The following SIPA1L3 variants were observed in gnomAD, a reference collection of about 807,000 sequenced individuals.
SIPA1L3 encodes signal induced proliferation associated 1 like 3.
SIPA1L3 carries 59 observed loss-of-function variants against 150.1 expected under a neutral mutation model. That is an observed-to-expected ratio of 0.39 (90% CI 0.32 to 0.49). The LOEUF (loss-of-function observed/expected upper bound fraction) is 0.49, where lower values mean the gene tolerates loss of function less well. Among genes scored for constraint, SIPA1L3 ranks in the 20% least tolerant of loss-of-function variants. The pLI, the probability that SIPA1L3 is intolerant of heterozygous loss-of-function variation, is 0.86. For missense variants in SIPA1L3, 2,211 were observed against 2,489.5 expected (o/e 0.89, Z 2.38); for synonymous variants, 1,070 against 1,077.6 (o/e 0.99, Z 0.14).
intron 2 of SIPA1L3, among the ~76,000 whole-genome samples, chr19:38,071,488 C>T (rs1372090561): frequency 6.6e-6 from 1 of 152,162 alleles, no homozygotes; most frequent in Non-Finnish European, 1.5e-5. Context: ...GGGGTTTTAC[C>T]TTGTTGGCCA....
intron 2 of SIPA1L3, among the ~76,000 whole-genome samples, chr19:38,041,645 G>A (rs1968926993): frequency 6.6e-6 from 1 of 151,152 alleles, no homozygotes; most frequent in Admixed American, 6.6e-5. Flanking sequence ...TGTTGACCAG[G>A]CTACCAGGCT....
intron 1 of SIPA1L3, among the ~76,000 whole-genome samples, chr19:37,987,385 T>C (rs183266924): frequency 1.7e-4 from 26 of 152,260 alleles, no homozygotes; most frequent in Non-Finnish European, 3.2e-4. Flanking sequence ...GACCCCTTGG[T>C]GATTGACTAC....
chr19:38,130,853 T>A, intron 10 of SIPA1L3, 81 bp downstream of exon 10: 1 of 1,463,112 alleles, frequency 6.8e-7, no homozygotes, highest in Non-Finnish European at 9.3e-7. Flanking sequence ...CACTGTCACT[T>A]GAGGTCCCAA....
intron 1 of SIPA1L3, among the ~76,000 whole-genome samples, chr19:37,957,208 A>C (rs1409240015): frequency 6.6e-6 from 1 of 152,172 alleles, no homozygotes; most frequent in Non-Finnish European, 1.5e-5. Context: ...AGAAATCGGG[A>C]AGTGTTAAGT....
intron 1 of SIPA1L3, among the ~76,000 whole-genome samples, chr19:37,937,747 A>AAAAAAAAAAAAAAAAAAAAC: frequency 8.0e-6 from 1 of 125,384 alleles, no homozygotes. Flanking sequence ...GTCTCAAAAA[A>AAAAAAAAAAAAAAAAAAAAC]AAAAAAAAAA....
intron 2 of SIPA1L3, among the ~76,000 whole-genome samples, chr19:38,059,648 G>C (rs149695718): frequency 0.016 from 2,480 of 152,284 alleles, 27 homozygotes; most frequent in Middle Eastern, 0.034. Context: ...CATACATACA[G>C]ACAAGCATGT....
At chr19:38,071,918 T>C (rs1333247605) in intron 2 of SIPA1L3, among the ~76,000 whole-genome samples, 2 of 152,194 alleles carry the variant, frequency 1.3e-5, no homozygotes. Context: ...AGGTTGGGAA[T>C]GTTCAGTTGC....
chr19:38,077,661 CT>C (rs58788182), intron 2 of SIPA1L3, among the ~76,000 whole-genome samples: 3,723 of 63,516 alleles, frequency 0.059, 4 homozygotes, highest in Non-Finnish European at 0.083. Flanking sequence ...TTTTCTTTTT[CT>C]TTTTTTTTTT....
At chr19:38,140,175 C>T (rs1399718537) in intron 10 of SIPA1L3, among the ~76,000 whole-genome samples, 6 of 152,226 alleles carry the variant, frequency 3.9e-5, no homozygotes, top group East Asian at 3.9e-4. Flanking sequence ...CACTTCCAGG[C>T]TGAAGGCTCC....
intron 9 of SIPA1L3, among the ~76,000 whole-genome samples, chr19:38,123,707 C>G (rs888546766): frequency 6.6e-6 from 1 of 152,248 alleles, no homozygotes; most frequent in African/African-American, 2.4e-5. Flanking sequence ...TCAATCTTTT[C>G]CCCACCTTTC....
At chr19:37,941,103 C>CAG (rs1377793546) in intron 1 of SIPA1L3, among the ~76,000 whole-genome samples, 1 of 150,734 alleles carries the variant, frequency 6.6e-6, no homozygotes, top group Non-Finnish European at 1.5e-5. Flanking sequence ...CACACACACA[C>CAG]ACACACACAC....
At chr19:38,156,820 T>C (rs1971960001) in intron 13 of SIPA1L3, among the ~76,000 whole-genome samples, 2 of 151,840 alleles carry the variant, frequency 1.3e-5, no homozygotes, top group Non-Finnish European at 2.9e-5. Flanking sequence ...TGAGACTCCA[T>C]CTAAAAAATA....
At position 38,101,093 on chromosome 19, in the gene SIPA1L3, C is replaced by T. The variant is rs747463735; in HGVS notation, c.1896C>T (p.Ala632=). The T allele has an allele frequency of 1.8e-5, 28 of 1,596,666 alleles. No homozygotes were observed. Among genetic ancestry groups the T allele is most frequent in the African/African-American group, 9.4e-5 (7 of 74,324 alleles). Residue 632 remains alanine, a synonymous_variant, in exon 6 of 22, where the codon GCC becomes GCT. Transcript: ENST00000222345. ...AGGTGGGCATCCTCTATTGCAAGGCCGGCCAGAGCTCCGAGGAGGAGATGT... is the reference window on the plus strand; with the variant it reads ...AGGTGGGCATCCTCTATTGCAAGGCTGGCCAGAGCTCCGAGGAGGAGATGT... ...KHKVGILYCK[A]GQSSEEEMYN...
chr19:38,170,428 C>T (rs752401967), intron 15 of SIPA1L3, among the ~76,000 whole-genome samples: 123 of 152,300 alleles, frequency 8.1e-4, no homozygotes, highest in Non-Finnish European at 1.5e-3. Context: ...TCAGAACGTG[C>T]CCCTGGGCTG....
chr19:38,168,030 C>A (rs1444947298), intron 15 of SIPA1L3, among the ~76,000 whole-genome samples: 1 of 152,154 alleles, frequency 6.6e-6, no homozygotes, highest in Non-Finnish European at 1.5e-5. Flanking sequence ...GGCCTCCCCA[C>A]CGCCCACTGT....
chr19:38,014,544 C>CT (rs72101453), intron 1 of SIPA1L3, among the ~76,000 whole-genome samples: 8,616 of 116,640 alleles, frequency 0.074, 330 homozygotes, highest in African/African-American at 0.082. Context: ...ACACCACATT[C>CT]TTTTTTTTTT....
intron 1 of SIPA1L3, among the ~76,000 whole-genome samples, chr19:37,991,628 G>T (rs1241320935): frequency 6.6e-6 from 1 of 152,216 alleles, no homozygotes; most frequent in African/African-American, 2.4e-5. Context: ...AGCTTGGCAG[G>T]GACCGTGCAG....
At chr19:37,999,421 G>T (rs954798201) in intron 1 of SIPA1L3, among the ~76,000 whole-genome samples, 8 of 152,186 alleles carry the variant, frequency 5.3e-5, no homozygotes, top group Admixed American at 3.3e-4. Context: ...GCTCCTGGAC[G>T]CACATGAGCA....
chr19:38,206,484 G>C lies in SIPA1L3; in HGVS notation c.*244G>C, dbSNP rs1000351337. 2.1e-6 allele frequency: 1 copy of C among 478,196 alleles called. No individual in the cohort carries two copies. Among genetic ancestry groups the C allele is most frequent in the African/African-American group, 2.0e-5 (1 of 49,900 alleles). 29.6% of individuals were successfully genotyped at this position (478,196 alleles called of 1,614,324 possible). A position where few individuals can be genotyped will look rare whatever the true frequency, so the allele number is the denominator to read the frequency against. On this transcript the variant is annotated 3_prime_UTR_variant, in exon 22 of 22. Coordinates refer to ENST00000222345, the MANE Select transcript of SIPA1L3 (RefSeq NM_015073.3). Reference sequence around the variant, plus strand: ...TCCAAGCTGCCCAGCTGTGGTCCCGGTGAGCTGGGCTGTGCTTACACCGCT... The same window carrying C: ...TCCAAGCTGCCCAGCTGTGGTCCCGCTGAGCTGGGCTGTGCTTACACCGCT...
Sources: allele counts gnomAD v4.1 joint callset (sites outside exome capture counted in the v4.1 genomes callset), GRCh38; gene constraint gnomAD v4.1.1; transcripts MANE v1.5; gene names NCBI Gene and HGNC (gene_info 2026-07-23, HGNC 2026-07-21).